AFTPH: variants seen among roughly 807,000 people sequenced by gnomAD.
AFTPH encodes the protein aftiphilin protein.
AFTPH carries 7 observed loss-of-function variants against 72.5 expected under a neutral mutation model. The ratio of observed to expected loss-of-function variants is 0.10; its 90% CI spans 0.05 to 0.18. The LOEUF is 0.18. Ranked by LOEUF, AFTPH falls within the 10% of genes least tolerant of loss-of-function variation. The pLI is 1.00. For synonymous variants in AFTPH, 337 were observed against 370.1 expected, an observed-to-expected ratio of 0.91 and a Z score of 1.03; for missense variants, 979 against 1,060.5, an observed-to-expected ratio of 0.92 and a Z score of 1.07.
At chr2:64,567,767 C>G (rs1179613404) in intron 3 of AFTPH, 54 bp downstream of exon 3, 3 of 1,556,308 alleles carry the variant, frequency 1.9e-6, no homozygotes, top group African/African-American at 1.4e-5. Context: ...TTTAGTAGTT[C>G]TAATTTATAA....
chr2:64,528,893 G>A (rs1342814354), intron 1 of AFTPH, among the ~76,000 whole-genome samples: 1 of 152,132 alleles, frequency 6.6e-6, no homozygotes, highest in Non-Finnish European at 1.5e-5. Flanking sequence ...GATAATTTAT[G>A]TTGTAAAAGG....
At chr2:64,569,424 G>T (rs1672284107) in intron 4 of AFTPH, among the ~76,000 whole-genome samples, 199 bp from the exon 5 acceptor site, 1 of 152,110 alleles carries the variant, frequency 6.6e-6, no homozygotes, top group South Asian at 2.1e-4. Context: ...AGAAAAAATT[G>T]TTTTAGTAGT....
rs189798326 is a variant in AFTPH, at chr2:64,552,695, T to G, written c.1221T>G (p.Asp407Glu). Residue 407 changes from aspartate to glutamate, a missense_variant, in exon 2 of 9, where the codon GAT (aspartate) becomes GAG (glutamate). Physicochemically the swap from Asp to Glu is conservative, Grantham distance 45. This residue lies in a region of AFTPH where 498 missense variants were observed against 467.6 expected (regional missense o/e 1.06). Coordinates refer to ENST00000238856, the Ensembl canonical transcript of AFTPH. ...ACCCCACAGAAGAAAATGATTTGGA[T>G]GATTCTTTAAGTGTAAAAAATGGTG... 5.6e-6 allele frequency: 9 copies of G among 1,614,200 alleles called. No homozygotes were observed. The East Asian group carries it at 2.0e-4, about 36-fold the overall frequency.
intron 5 of AFTPH, among the ~76,000 whole-genome samples, chr2:64,570,829 G>C (rs941422221): frequency 9.2e-5 from 14 of 151,530 alleles, no homozygotes; most frequent in Admixed American, 8.6e-4. Flanking sequence ...GAAGTTAGAG[G>C]CTAAAGCTTA....
At chr2:64,567,467 T>G (rs1553402293) in intron 2 of AFTPH, 95 bp from the exon 3 acceptor site, 1 of 1,281,874 alleles carries the variant, frequency 7.8e-7, no homozygotes, top group Non-Finnish European at 1.1e-6. Context: ...CTCACAGTAG[T>G]GGACAGGGTG....
chr2:64,550,887 C>T (rs868092328), intron 1 of AFTPH, among the ~76,000 whole-genome samples: 1 of 152,012 alleles, frequency 6.6e-6, no homozygotes, highest in African/African-American at 2.4e-5. Flanking sequence ...GTATTTCCAA[C>T]TTTTTTTGAG....
intron 5 of AFTPH, 65 bp from the exon 6 acceptor site, chr2:64,572,877 TGATA>T: frequency 6.4e-7 from 1 of 1,570,182 alleles, no homozygotes; most frequent in Non-Finnish European, 8.6e-7. Flanking sequence ...TTCTTCTTTC[TGATA>T]GATTAACTTA....
exon 9 of AFTPH, chr2:64,592,476 A>G (rs1276738605): frequency 6.5e-6 from 1 of 152,694 alleles, no homozygotes; most frequent in African/African-American, 2.4e-5. Context: ...AATAAGCTCC[A>G]AAGTCCCCCA....
At chr2:64,551,377 G>C in intron 1 of AFTPH, 66 bp from the exon 2 acceptor site, 1 of 1,294,744 alleles carries the variant, frequency 7.7e-7, no homozygotes, top group East Asian at 2.4e-5. Context: ...AGCTTTGAGA[G>C]AATTTTGAAA....
rs1243472946 is a variant in AFTPH, at chr2:64,548,433, A to AAAAAAAAC, written c.-32-3008_-32-3007insAAAAACAA. On this transcript the variant is annotated intron_variant, in intron 1 of 8. Coordinates refer to ENST00000238856, the Ensembl canonical transcript of AFTPH. ...AAAAAAAAAAAAAAAAAAAAAAAAA[A>AAAAAAAAC]AACTTTAGAAAAAGGAATCCTGTAG... is the stretch of plus-strand genomic sequence containing the variant. Among the ~76,000 whole-genome samples, 112 of 102,606 alleles carry AAAAAAAAC rather than the reference A, an allele frequency of 1.1e-3. 20 individuals are homozygous for AAAAAAAAC. The highest frequency in any genetic ancestry group is 1.6e-3 in the Non-Finnish European group (77 of 47,046). 67.3% of individuals were successfully genotyped at this position (102,606 alleles called of 152,430 possible).
At chr2:64,546,355 G>A (rs1452380263) in intron 1 of AFTPH, among the ~76,000 whole-genome samples, 1 of 152,094 alleles carries the variant, frequency 6.6e-6, no homozygotes, top group Non-Finnish European at 1.5e-5. Flanking sequence ...CTAGCAAACG[G>A]GGCATAAAGC....
At chr2:64,569,808 G>C (rs1369297748) in intron 5 of AFTPH, 129 bp downstream of exon 5, 3 of 676,998 alleles carry the variant, frequency 4.4e-6, no homozygotes, top group East Asian at 5.8e-5. Flanking sequence ...GGTATAAATA[G>C]ATCTTTTTTG....
chr2:64,553,451 T>C (rs762384576), intron 2 of AFTPH, 42 bp downstream of exon 2: 3 of 1,503,552 alleles, frequency 2.0e-6, no homozygotes, highest in East Asian at 4.6e-5. Flanking sequence ...GTATTAATTG[T>C]TGTGGAGGCT....
chr2:64,569,249 T>C, intron 4 of AFTPH, 31 bp downstream of exon 4: 2 of 1,590,354 alleles, frequency 1.3e-6, no homozygotes, highest in South Asian at 2.3e-5. Context: ...AAAAATCTTT[T>C]AATCAACCTG....
At chr2:64,555,763 G>A (rs1227248265) in intron 2 of AFTPH, among the ~76,000 whole-genome samples, 1 of 152,154 alleles carries the variant, frequency 6.6e-6, no homozygotes, top group Non-Finnish European at 1.5e-5. Context: ...ACCCTGCTGA[G>A]TAAGTGACTG....
chr2:64,538,931 C>T (rs956979031), intron 1 of AFTPH, among the ~76,000 whole-genome samples: 1 of 152,154 alleles, frequency 6.6e-6, no homozygotes, highest in Non-Finnish European at 1.5e-5. Flanking sequence ...GCAGCACTGT[C>T]AGAGGAATGG....
chr2:64,557,256 T>C lies in AFTPH; in HGVS notation c.1935+3847T>C, dbSNP rs35614375. Among the ~76,000 whole-genome samples the C allele has an allele frequency of 5.6e-3, 850 of 152,304 alleles. 3 individuals carry two copies. The highest frequency in any genetic ancestry group is 8.7e-3 in the Non-Finnish European group (590 of 68,022). The stretch of plus-strand genomic sequence containing the variant: ...GCTTTTGTAAAATTTTAAAATATTG[T>C]TCTGGATATCATTTAGAAATTTAGG... On this transcript the variant is annotated intron_variant, in intron 2 of 8. Coordinates refer to ENST00000238856, the Ensembl canonical transcript of AFTPH.
intron 8 of AFTPH, among the ~76,000 whole-genome samples, chr2:64,586,683 C>G (rs1326187638): frequency 6.6e-6 from 1 of 152,214 alleles, no homozygotes; most frequent in African/African-American, 2.4e-5. Flanking sequence ...TGCCAGTTCT[C>G]TCCATTGTTC....
intron 1 of AFTPH, among the ~76,000 whole-genome samples, chr2:64,532,496 G>C (rs2103813883): frequency 1.3e-5 from 2 of 152,294 alleles, no homozygotes; most frequent in South Asian, 4.1e-4. Flanking sequence ...GTGAAAAGAG[G>C]TAGATATTCC....
Sources: allele counts gnomAD v4.1 joint callset (sites outside exome capture counted in the v4.1 genomes callset), GRCh38; gene constraint gnomAD v4.1.1; regional missense constraint gnomAD v4.1.1; transcripts MANE v1.5; gene names NCBI Gene and HGNC (gene_info 2026-07-23, HGNC 2026-07-21).